ACBD3: variants seen among roughly 807,000 people sequenced by gnomAD.
ACBD3 encodes acyl-CoA binding domain containing 3, also known as Golgi resident protein GCP60.
A neutral mutation model predicts 66.9 loss-of-function variants in ACBD3; 30 were observed. That is an observed-to-expected ratio of 0.45 (90% CI 0.34 to 0.61). The LOEUF (loss-of-function observed/expected upper bound fraction) is 0.61. ACBD3 is among the 20% of genes least tolerant of loss of function. The pLI is 0.02. For missense variants in ACBD3, 544 were observed against 664.5 expected, an observed-to-expected ratio of 0.82 and a Z score of 1.99; for synonymous variants, 278 against 259.8, an observed-to-expected ratio of 1.07 and a Z score of -0.68.
intron 1 of ACBD3, among the ~76,000 whole-genome samples, chr1:226,185,456 G>C (rs1656276054): frequency 6.6e-6 from 1 of 152,140 alleles, no homozygotes; most frequent in South Asian, 2.1e-4. Context: ...GTGGAACCTA[G>C]CAACCACTTT....
At chr1:226,151,166 T>C (rs1576229060) in intron 7 of ACBD3, among the ~76,000 whole-genome samples, 1 of 152,320 alleles carries the variant, frequency 6.6e-6, no homozygotes, top group East Asian at 1.9e-4. Context: ...CTTTCAATAA[T>C]ATCTTTTTAA....
At chr1:226,172,763 T>C (rs1233389698) in intron 1 of ACBD3, among the ~76,000 whole-genome samples, 1 of 151,664 alleles carries the variant, frequency 6.6e-6, no homozygotes, top group Non-Finnish European at 1.5e-5. Context: ...TGGGCAACAC[T>C]GCAAGACCCC....
chr1:226,185,401 C>CCTATTTTACTT (rs1656273949), intron 1 of ACBD3, among the ~76,000 whole-genome samples: 1 of 152,160 alleles, frequency 6.6e-6, no homozygotes, highest in Non-Finnish European at 1.5e-5. Flanking sequence ...CCAAAAGGTA[C>CCTATTTTACTT]TCCCTCTGGG....
At chr1:226,165,332 G>A (rs915944681) in intron 2 of ACBD3, among the ~76,000 whole-genome samples, 4 of 151,918 alleles carry the variant, frequency 2.6e-5, no homozygotes, top group Admixed American at 6.6e-5. Context: ...CACTACCGCC[G>A]GCTAATTTTT....
intron 7 of ACBD3, among the ~76,000 whole-genome samples, chr1:226,147,749 G>A (rs971599702): frequency 5.3e-5 from 8 of 152,070 alleles, no homozygotes; most frequent in South Asian, 2.1e-4. Context: ...GGTTTGCCCC[G>A]GTTAAGAGTT....
rs3211100 is a variant in ACBD3 at position 226,146,727 on chromosome 1, C to A, written c.1470G>T (p.Glu490Asp). The A allele has an allele frequency of 5.0e-6, 8 of 1,614,006 alleles. No individual in the cohort carries two copies. Among genetic ancestry groups the A allele is most frequent in the Non-Finnish European group, 6.8e-6 (8 of 1,179,992 alleles). The stretch of plus-strand genomic sequence containing the variant: ...GATATTGATGGCTGCCAGCATACAC[C>A]TCCTCATGACAGTCCCGTCGGTACA... ...VPVYRRDCHE[E>D]VYAGSHQYPG... Residue 490 changes from glutamate (E) to aspartate (D), a missense_variant, in exon 8 of 8, where the codon GAG (glutamate) becomes GAT (aspartate). This residue lies in a region of ACBD3 where 383 missense variants were observed against 462.4 expected (regional missense o/e 0.83). Coordinates refer to ENST00000366812, the MANE Select transcript of ACBD3 (RefSeq NM_022735.4).
intron 3 of ACBD3, among the ~76,000 whole-genome samples, chr1:226,163,150 G>A (rs1659801923): frequency 6.6e-6 from 1 of 152,136 alleles, no homozygotes; most frequent in Admixed American, 6.6e-5. Flanking sequence ...AGCTGGTACA[G>A]AGCAAGAAGG....
At chr1:226,182,863 A>G (rs1382674294) in intron 1 of ACBD3, among the ~76,000 whole-genome samples, 2 of 152,190 alleles carry the variant, frequency 1.3e-5, no homozygotes, top group Non-Finnish European at 2.9e-5. Context: ...AAGATAACGT[A>G]CTATTCATTT....
At chr1:226,176,720 AT>A (rs150551744) in intron 1 of ACBD3, among the ~76,000 whole-genome samples, 5,361 of 150,956 alleles carry the variant, frequency 0.036, 294 homozygotes, top group African/African-American at 0.12. Flanking sequence ...AACTGTGACT[AT>A]ATGAATATGA....
chr1:226,158,148 A>G (rs1235834303), intron 5 of ACBD3, among the ~76,000 whole-genome samples: 1 of 152,214 alleles, frequency 6.6e-6, no homozygotes, highest in Non-Finnish European at 1.5e-5. Flanking sequence ...ACTGATGCCA[A>G]AGACTCAGGA....
At chr1:226,170,644 A>G (rs974359572) in intron 1 of ACBD3, among the ~76,000 whole-genome samples, 1 of 152,118 alleles carries the variant, frequency 6.6e-6, no homozygotes, top group African/African-American at 2.4e-5. Context: ...CAGGAAGATG[A>G]TTTGAACTAA....
chr1:226,165,174 T>C (rs1659852654), intron 2 of ACBD3, among the ~76,000 whole-genome samples: 2 of 151,660 alleles, frequency 1.3e-5, no homozygotes, highest in South Asian at 4.2e-4. Context: ...ATTTTTCTTT[T>C]TTCTTTTTTT....
chr1:226,172,155 C>CAAAAAAAAAAAAAAAAAAAAA lies in ACBD3; in HGVS notation c.287-6156_287-6155insTTTTTTTTTTTTTTTTTTTTT, dbSNP rs779380166. On this transcript the variant is annotated intron_variant, in intron 1 of 7. Coordinates refer to ENST00000366812, the MANE Select transcript of ACBD3 (RefSeq NM_022735.4). ...GGGAAACAAGAGCAAAACTCCATCT[C>CAAAAAAAAAAAAAAAAAAAAA]AAAAAAAAAAAAAAAGAGGAATACA... is the stretch of plus-strand genomic sequence containing the variant. 2.3e-4 allele frequency among the ~76,000 whole-genome samples: 10 copies of CAAAAAAAAAAAAAAAAAAAAA among 43,222 alleles called. No homozygotes were observed. In the East Asian group the frequency reaches 4.4e-3, roughly 19 times the overall value. The allele number at this position is 43,222 out of a possible 152,430, so 28.4% of individuals were successfully genotyped here.
At chr1:226,162,903 C>T (rs1659797575) in intron 3 of ACBD3, among the ~76,000 whole-genome samples, 1 of 151,536 alleles carries the variant, frequency 6.6e-6, no homozygotes, top group Admixed American at 6.6e-5. Flanking sequence ...CTCAAATGAT[C>T]CTCCCACCTT....
chr1:226,183,460 G>A (rs1354721271), intron 1 of ACBD3, among the ~76,000 whole-genome samples: 2 of 152,078 alleles, frequency 1.3e-5, no homozygotes, highest in African/African-American at 4.8e-5. Context: ...GGGATTACAG[G>A]CAAAAGCTAC....
chr1:226,177,476 A>G (rs1432147875), intron 1 of ACBD3, among the ~76,000 whole-genome samples: 1 of 150,808 alleles, frequency 6.6e-6, no homozygotes, highest in Non-Finnish European at 1.5e-5. Context: ...GATTACAGGT[A>G]TGAGCCACCG....
rs369507622 is a variant in ACBD3, at chr1:226,154,397, T to C, written c.1090+250A>G. ...CTGTAATTTGTTATGCAGCAATAGA[T>C]AATTTATATATATATATATGACAAA... On this transcript the variant is annotated intron_variant, in intron 6 of 7. Coordinates refer to ENST00000366812, the MANE Select transcript of ACBD3 (RefSeq NM_022735.4). Among the ~76,000 whole-genome samples the C allele has an allele frequency of 3.3e-5, 5 of 152,070 alleles. No individual in the cohort carries two copies. In the East Asian group the frequency reaches 9.7e-4, roughly 29 times the overall value.
At chr1:226,177,396 C>T (rs867698247) in intron 1 of ACBD3, among the ~76,000 whole-genome samples, 11 of 150,822 alleles carry the variant, frequency 7.3e-5, no homozygotes, top group Admixed American at 5.3e-4. Context: ...CGGGTTTCAC[C>T]GCATTAGCCA....
chr1:226,183,876 C>A (rs1656231396), intron 1 of ACBD3, among the ~76,000 whole-genome samples: 1 of 122,744 alleles, frequency 8.1e-6, no homozygotes, highest in Admixed American at 9.5e-5. Context: ...AAGAATCAAA[C>A]TCTGCCTAAA....
Sources: gnomAD v4.1 joint callset for allele counts (sites outside exome capture counted in the v4.1 genomes callset) on GRCh38, gnomAD v4.1.1 for gene constraint, gnomAD v4.1.1 regional missense constraint, MANE v1.5 for transcripts, NCBI Gene and HGNC (gene_info 2026-07-23, HGNC 2026-07-21) for gene names.